Variants in HDAC9 observed in about 807,000 individuals in gnomAD.
The protein encoded by HDAC9 is histone deacetylase 9, also known as MEF-2 interacting transcription repressor (MITR) protein.
HDAC9 carries 41 observed loss-of-function variants against 139.4 expected under a neutral mutation model. That is an observed-to-expected ratio of 0.29 (90% CI 0.23 to 0.38). HDAC9 has a LOEUF of 0.38. Ranked by LOEUF, HDAC9 falls within the 10% of genes least tolerant of loss-of-function variation. The pLI, the probability that HDAC9 is intolerant of heterozygous loss-of-function variation, is 1.00. For synonymous variants in HDAC9, 517 were observed against 476.2 expected (o/e 1.09, Z -1.12); for missense variants, 1,147 against 1,297.0 (o/e 0.88, Z 1.78).
chr7:18,491,498 A>G (rs895194807), upstream of HDAC9, among the ~76,000 whole-genome samples: 5 of 152,014 alleles, frequency 3.3e-5, no homozygotes, highest in Non-Finnish European at 7.4e-5. Flanking sequence ...TTCCGGATGA[A>G]GAAGCTAAGC....
At chr7:18,248,633 G>T (rs1269580113) in intron 2 of HDAC9, among the ~76,000 whole-genome samples, 1 of 152,096 alleles carries the variant, frequency 6.6e-6, no homozygotes, top group Non-Finnish European at 1.5e-5. Flanking sequence ...ATGAAAATCA[G>T]CTTTTTTCAT....
chr7:18,555,366 A>G (rs1178989016), intron 2 of HDAC9, among the ~76,000 whole-genome samples: 2 of 152,222 alleles, frequency 1.3e-5, no homozygotes, highest in East Asian at 3.8e-4. Context: ...GAAGTCTTCA[A>G]GAAGTCTGGG....
At chr7:18,443,001 C>T (rs1791930440) in intron 1 of HDAC9, among the ~76,000 whole-genome samples, 1 of 152,164 alleles carries the variant, frequency 6.6e-6, no homozygotes, top group Non-Finnish European at 1.5e-5. Context: ...GAATTATTCT[C>T]TCAAAACAAC....
At chr7:18,849,143 G>T (rs1318066085) in intron 21 of HDAC9, among the ~76,000 whole-genome samples, 2 of 152,104 alleles carry the variant, frequency 1.3e-5, no homozygotes, top group South Asian at 2.1e-4. Context: ...AAACACATCT[G>T]CCCCTAAGAT....
intron 2 of HDAC9, among the ~76,000 whole-genome samples, chr7:18,216,607 A>G (rs1359953291): frequency 6.6e-6 from 1 of 152,160 alleles, no homozygotes; most frequent in Non-Finnish European, 1.5e-5. Context: ...GTTCTGTTTT[A>G]ACATATTTTG....
intron 16 of HDAC9, among the ~76,000 whole-genome samples, chr7:18,780,882 C>T (rs2028013): frequency 0.76 from 115,168 of 151,662 alleles, 44,515 homozygotes; most frequent in Non-Finnish European, 0.83. Flanking sequence ...ATCAACAACA[C>T]AGAATATCTT....
chr7:18,936,069 G>A (rs1396930117), intron 23 of HDAC9, 127 bp downstream of exon 23: 5 of 893,070 alleles, frequency 5.6e-6, no homozygotes, highest in Non-Finnish European at 8.4e-6. Flanking sequence ...TAAGAAAGAA[G>A]GTAAGCCTTA....
At chr7:18,539,240 G>A (rs1338272229) in intron 2 of HDAC9, among the ~76,000 whole-genome samples, 1 of 152,164 alleles carries the variant, frequency 6.6e-6, no homozygotes, top group Non-Finnish European at 1.5e-5. Flanking sequence ...GATAGGAAGG[G>A]CACTTCACCT....
chr7:18,945,355 C>A (rs377535788), intron 23 of HDAC9, among the ~76,000 whole-genome samples: 1 of 152,124 alleles, frequency 6.6e-6, no homozygotes, highest in Non-Finnish European at 1.5e-5. Flanking sequence ...AACTTTGGTC[C>A]ACCTTCATAT....
intron 2 of HDAC9, among the ~76,000 whole-genome samples, chr7:18,171,844 T>A (rs747747700): frequency 2.4e-4 from 36 of 152,222 alleles, no homozygotes; most frequent in Non-Finnish European, 4.6e-4. Flanking sequence ...TGGATTTGGT[T>A]TGCCAGTATT....
chr7:18,240,358 A>T (rs1463172184), intron 2 of HDAC9, among the ~76,000 whole-genome samples: 1 of 152,072 alleles, frequency 6.6e-6, no homozygotes, highest in Non-Finnish European at 1.5e-5. Flanking sequence ...CCTATACTGC[A>T]TTTTCCCCTA....
intron 2 of HDAC9, chr7:18,578,302 C>G (rs538740557): frequency 2.2e-5 from 11 of 501,844 alleles, no homozygotes; most frequent in South Asian, 5.8e-5. Flanking sequence ...CTATTCGTAA[C>G]GACCCCTTCA....
chr7:18,697,779 G>A lies in HDAC9; in HGVS notation c.1732-29801G>A, dbSNP rs758322733. ...GTTCAAACATTTCTTACTTTGGATCGAAATGGAAGTAAACAGTAGATTTTT... is the reference window on the plus strand; with the variant it reads ...GTTCAAACATTTCTTACTTTGGATCAAAATGGAAGTAAACAGTAGATTTTT... On this transcript the variant is annotated intron_variant, in intron 12 of 25. Coordinates refer to ENST00000686413, the MANE Select transcript of HDAC9 (RefSeq NM_178425.4). Among the ~76,000 whole-genome samples, 6 of 150,402 alleles carry A rather than the reference G, an allele frequency of 4.0e-5. No individual in the cohort carries two copies. In the East Asian group the frequency reaches 1.2e-3, roughly 30 times the overall value.
intron 1 of HDAC9, among the ~76,000 whole-genome samples, chr7:18,342,603 C>A (rs1782100189): frequency 6.6e-6 from 1 of 151,826 alleles, no homozygotes; most frequent in Non-Finnish European, 1.5e-5. Flanking sequence ...AATTACCTCT[C>A]TGCCTCAATT....
At chr7:18,428,174 C>CT (rs1483799116) in intron 1 of HDAC9, among the ~76,000 whole-genome samples, 7 of 152,060 alleles carry the variant, frequency 4.6e-5, no homozygotes, top group Admixed American at 6.6e-5. Flanking sequence ...TATAAATACT[C>CT]TAAGTGGGAT....
At chr7:18,737,212 G>C (rs1368476004) in intron 13 of HDAC9, among the ~76,000 whole-genome samples, 1 of 152,004 alleles carries the variant, frequency 6.6e-6, no homozygotes, top group Non-Finnish European at 1.5e-5. Context: ...TTTTTGAAGG[G>C]CTTTTTGTGT....
At chr7:18,470,395 T>G (rs1794632983) in intron 1 of HDAC9, among the ~76,000 whole-genome samples, 1 of 152,186 alleles carries the variant, frequency 6.6e-6, no homozygotes. Flanking sequence ...AATTTCAGTA[T>G]TTCCTTGTGT....
chr7:18,384,878 C>T (rs912763219), intron 1 of HDAC9, among the ~76,000 whole-genome samples: 3 of 151,856 alleles, frequency 2.0e-5, no homozygotes, highest in South Asian at 2.1e-4. Flanking sequence ...CCCAGTAGCT[C>T]CTATTCAGTC....
At chr7:18,768,494 G>A (rs1790016155) in intron 16 of HDAC9, among the ~76,000 whole-genome samples, 2 of 152,048 alleles carry the variant, frequency 1.3e-5, no homozygotes, top group Admixed American at 1.3e-4. Flanking sequence ...ATTAATCCTT[G>A]CTTATTTTTA....
Sources: gnomAD v4.1 joint callset for allele counts (sites outside exome capture counted in the v4.1 genomes callset) on GRCh38, gnomAD v4.1.1 for gene constraint, MANE v1.5 for transcripts, NCBI Gene and HGNC (gene_info 2026-07-23, HGNC 2026-07-21) for gene names.